CLCA4: variants seen among roughly 807,000 people sequenced by gnomAD.
The protein encoded by CLCA4 is chloride channel accessory 4, also known as calcium-activated chloride channel regulator 4.
Under a neutral mutation model 78.9 loss-of-function variants are expected in CLCA4, and 69 were observed. The ratio of observed to expected loss-of-function variants is 0.87; its 90% CI spans 0.72 to 1.07. CLCA4 has a LOEUF of 1.07. CLCA4 is among the 50% of genes least tolerant of loss of function. The probability of loss-of-function intolerance (pLI) is 0.00; values close to 1 mark genes in which losing one functional copy is unlikely to be tolerated. For missense variants in CLCA4, 1,133 were observed against 1,095.8 expected, an observed-to-expected ratio of 1.03 and a Z score of -0.48; for synonymous variants, 362 against 375.8, an observed-to-expected ratio of 0.96 and a Z score of 0.42.
chr1:86,561,781 G>A (rs779188296), intron 3 of CLCA4, among the ~76,000 whole-genome samples: 9 of 151,806 alleles, frequency 5.9e-5, no homozygotes, highest in Non-Finnish European at 7.4e-5. Context: ...GATTTTTCCC[G>A]TATCCCACAC....
Position 86,572,675 on chromosome 1 carries a change from G to A in CLCA4, c.1422G>A (p.Gly474=), listed in dbSNP as rs773827567. The A allele has an allele frequency of 6.2e-7, 1 of 1,609,058 alleles. No homozygotes were observed. The highest frequency in any genetic ancestry group is 8.5e-7 in the Non-Finnish European group (1 of 1,176,012). ...ACAATGGCCTCATTGATGCTTTTGG[G>A]GCTCTTACATCAGGAAATACTGATC... ...AQNNGLIDAF[G]ALTSGNTDLS... Residue 474 remains glycine (G), a synonymous_variant, in exon 9 of 14, where the codon GGG becomes GGA. Transcript: ENST00000370563.
At chr1:86,577,836 A>G (rs1650563924) in intron 11 of CLCA4, 66 bp from the exon 12 acceptor site, 1 of 1,382,660 alleles carries the variant, frequency 7.2e-7, no homozygotes, top group Non-Finnish European at 1.0e-6. Flanking sequence ...GTAGAGGCCA[A>G]TTGCTTGTCT....
intron 1 of CLCA4, among the ~76,000 whole-genome samples, chr1:86,554,857 C>T (rs1570320498): frequency 1.3e-5 from 2 of 149,038 alleles, no homozygotes; most frequent in Non-Finnish European, 3.0e-5. Flanking sequence ...TCGCAAGCAT[C>T]TGGTTTTTTT....
At chr1:86,567,231 A>C (rs1232006065) in intron 6 of CLCA4, among the ~76,000 whole-genome samples, 193 bp from the exon 7 acceptor site, 1 of 152,006 alleles carries the variant, frequency 6.6e-6, no homozygotes, top group Non-Finnish European at 1.5e-5. Flanking sequence ...ACTCCTTACT[A>C]TACGTGTCCC....
chr1:86,554,379 GT>G (rs879555956), intron 1 of CLCA4, among the ~76,000 whole-genome samples: 11 of 151,952 alleles, frequency 7.2e-5, no homozygotes, highest in Non-Finnish European at 1.3e-4. Flanking sequence ...CACAGTTTTT[GT>G]TTGTTTGTTT....
intron 12 of CLCA4, among the ~76,000 whole-genome samples, chr1:86,578,815 T>A (rs76356209): frequency 0.011 from 1,624 of 152,184 alleles, 17 homozygotes; most frequent in Admixed American, 0.019. Context: ...TTATTTAGAA[T>A]TTTAATAAGT....
At chr1:86,572,040 G>A (rs1650364232) in intron 8 of CLCA4, among the ~76,000 whole-genome samples, 1 of 151,852 alleles carries the variant, frequency 6.6e-6, no homozygotes, top group African/African-American at 2.4e-5. Context: ...ATTCCAAGTA[G>A]CTCCTTAAAA....
intron 1 of CLCA4, among the ~76,000 whole-genome samples, chr1:86,551,969 G>A (rs1053730697): frequency 1.9e-4 from 29 of 152,034 alleles, no homozygotes; most frequent in African/African-American, 6.3e-4. Flanking sequence ...AGAACATAAT[G>A]GAGAAGTATT....
chr1:86,550,040 G>C (rs1216564647), intron 1 of CLCA4, among the ~76,000 whole-genome samples: 7 of 152,126 alleles, frequency 4.6e-5, no homozygotes, highest in Non-Finnish European at 1.0e-4. Context: ...CCCTCTCCCT[G>C]ATATCAACAT....
chr1:86,561,664 C>T (rs998168444), intron 3 of CLCA4, among the ~76,000 whole-genome samples: 3 of 151,280 alleles, frequency 2.0e-5, no homozygotes, highest in Non-Finnish European at 3.0e-5. Context: ...TACATTCTTC[C>T]TCTCTATTTC....
chr1:86,556,157 G>A (rs1469288019), intron 1 of CLCA4, among the ~76,000 whole-genome samples: 1 of 152,140 alleles, frequency 6.6e-6, no homozygotes, highest in African/African-American at 2.4e-5. Flanking sequence ...AAGAGGGATA[G>A]TTTGACTCCC....
At chr1:86,564,011 C>A (rs141574560) in intron 4 of CLCA4, among the ~76,000 whole-genome samples, 1 of 152,212 alleles carries the variant, frequency 6.6e-6, no homozygotes, top group African/African-American at 2.4e-5. Context: ...GCCTCCAGAA[C>A]TCACTTGCTT....
At position 86,547,114 on chromosome 1, in the gene CLCA4, G is replaced by A. The variant is rs1180363556; in HGVS notation, c.-6G>A. On this transcript the variant is annotated 5_prime_UTR_variant, in exon 1 of 14. Transcript: ENST00000370563. ...CATTTGAGCCAGGAATAACTAGAGA[G>A]GAACAATGGGGTTATTCAGAGGTTT... 1 of 1,596,228 alleles carries A rather than the reference G, an allele frequency of 6.3e-7. No individual in the cohort carries two copies. Among genetic ancestry groups the A allele is most frequent in the East Asian group, 2.3e-5 (1 of 44,400 alleles).
intron 7 of CLCA4, among the ~76,000 whole-genome samples, chr1:86,568,319 CAAT>C (rs1380201640): frequency 2.0e-5 from 3 of 149,654 alleles, no homozygotes; most frequent in Non-Finnish European, 4.5e-5. Context: ...ATACTTAGAA[CAAT>C]ATTTACTATA....
In CLCA4 at chr1:86,547,279, G is replaced by T. The variant is rs1251121198; in HGVS notation, c.159+1G>T. 1 of 1,567,354 alleles carries T rather than the reference G, an allele frequency of 6.4e-7. No individual in the cohort carries two copies. Among genetic ancestry groups the T allele is most frequent in the Admixed American group, 2.0e-5 (1 of 50,128 alleles). On this transcript the variant is annotated splice_donor_variant, in intron 1 of 13. Transcript: ENST00000370563. LOFTEE classifies it high-confidence loss of function. ...TGAAAAAATAATTGAACAAATAGAG[G>T]TAAGAACAAAATGGAATATCTTTCA...
chr1:86,558,523 T>C (rs1649914926), intron 1 of CLCA4, among the ~76,000 whole-genome samples: 1 of 152,174 alleles, frequency 6.6e-6, no homozygotes, highest in South Asian at 2.1e-4. Context: ...ATGCTGTTAA[T>C]AAAGACATAC....
intron 7 of CLCA4, among the ~76,000 whole-genome samples, chr1:86,570,131 C>G (rs929104955): frequency 1.3e-5 from 2 of 151,916 alleles, no homozygotes; most frequent in African/African-American, 4.8e-5. Context: ...TTGTAATAAG[C>G]GTGGTCAATT....
chr1:86,576,992 G>A (rs1650541049), intron 11 of CLCA4, among the ~76,000 whole-genome samples: 1 of 152,084 alleles, frequency 6.6e-6, no homozygotes, highest in Admixed American at 6.6e-5. Flanking sequence ...ATTTTGCAAT[G>A]TAACTTATTC....
At position 86,580,335 on chromosome 1, in the gene CLCA4, C is replaced by T. The variant is rs755368915; in HGVS notation, c.2750C>T (p.Thr917Ile). ...SVVIVNFILSTTI is the reference protein window; with the variant it reads ...SVVIVNFILSITI ...GTAATTGTTAACTTTATTTTAAGTA[C>T]CACCATTTGAACCTTAACGAAGAAA... The change falls in exon 14 of 14, where the codon ACC becomes ATC. Residue 917 changes from threonine (T) to isoleucine (I), a missense_variant. Coordinates refer to ENST00000370563, the MANE Select transcript of CLCA4 (RefSeq NM_012128.4). The T allele has an allele frequency of 1.5e-5, 23 of 1,583,888 alleles. No individual in the cohort carries two copies. The East Asian group carries it at 4.5e-4, about 31-fold the overall frequency.
Sources: allele counts gnomAD v4.1 joint callset (sites outside exome capture counted in the v4.1 genomes callset), GRCh38; gene constraint gnomAD v4.1.1; transcripts MANE v1.5; gene names NCBI Gene and HGNC (gene_info 2026-07-23, HGNC 2026-07-21).